The following GRM5 variants were observed in gnomAD, a reference collection of about 807,000 sequenced individuals.
The protein encoded by GRM5 is glutamate metabotropic receptor 5.
Under a neutral mutation model 83.1 loss-of-function variants are expected in GRM5, and 19 were observed. That is an observed-to-expected ratio of 0.23 (90% confidence interval 0.16 to 0.34). GRM5 has a LOEUF of 0.34. Among genes scored for constraint, GRM5 ranks in the 10% least tolerant of loss-of-function variants. GRM5 has a pLI of 1.00. For synonymous variants in GRM5, 675 were observed against 633.6 expected (o/e 1.07, Z -0.98); for missense variants, 1,160 against 1,588.3 (o/e 0.73, Z 4.58).
intron 8 of GRM5, among the ~76,000 whole-genome samples, chr11:88,541,062 C>T (rs1269038558): frequency 6.6e-6 from 1 of 151,930 alleles, no homozygotes; most frequent in African/African-American, 2.4e-5. Flanking sequence ...ATCACATTGT[C>T]TTAAGATTAT....
chr11:88,899,472 T>C (rs1282776072), intron 2 of GRM5, among the ~76,000 whole-genome samples: 1 of 152,016 alleles, frequency 6.6e-6, no homozygotes, highest in Non-Finnish European at 1.5e-5. Context: ...GACTTACTAA[T>C]TATTTATGAG....
intron 8 of GRM5, among the ~76,000 whole-genome samples, chr11:88,529,215 A>G (rs1941951216): frequency 6.6e-6 from 1 of 151,908 alleles, no homozygotes; most frequent in Non-Finnish European, 1.5e-5. Flanking sequence ...TGTGATAAGG[A>G]GCATATGGGT....
intron 3 of GRM5, among the ~76,000 whole-genome samples, chr11:88,740,820 A>C (rs1249053800): frequency 6.6e-6 from 1 of 152,106 alleles, no homozygotes; most frequent in African/African-American, 2.4e-5. Flanking sequence ...GGAAGCTAGG[A>C]TTAAGCAGAA....
intron 8 of GRM5, among the ~76,000 whole-genome samples, chr11:88,527,370 C>T (rs1284976714): frequency 6.6e-6 from 1 of 152,080 alleles, no homozygotes; most frequent in Admixed American, 6.6e-5. Flanking sequence ...TTCTTTCTCT[C>T]ATGACCACAC....
chr11:88,587,668 ACT>A (rs1339226546), intron 7 of GRM5, among the ~76,000 whole-genome samples: 1 of 151,558 alleles, frequency 6.6e-6, no homozygotes, highest in Admixed American at 6.6e-5. Context: ...AGGTCATAAA[ACT>A]CTCATTTGAC....
chr11:88,714,360 T>A (rs1313952799), intron 3 of GRM5, among the ~76,000 whole-genome samples: 1 of 151,704 alleles, frequency 6.6e-6, no homozygotes, highest in African/African-American at 2.4e-5. Context: ...ATAAAGGTGG[T>A]GGGTAGAGGG....
intron 6 of GRM5, 31 bp downstream of exon 6, chr11:88,597,153 A>C (rs2292102): frequency 1.4e-6 from 2 of 1,442,902 alleles, no homozygotes; most frequent in Non-Finnish European, 1.9e-6. Flanking sequence ...AATTTACAAC[A>C]AAAATGAAAG....
At chr11:88,656,220 T>C (rs1039242546) in intron 3 of GRM5, among the ~76,000 whole-genome samples, 10 of 150,010 alleles carry the variant, frequency 6.7e-5, no homozygotes, top group African/African-American at 2.5e-4. Flanking sequence ...TTGCTAAAAG[T>C]CTACCACATT....
intron 2 of GRM5, among the ~76,000 whole-genome samples, chr11:89,015,885 G>A (rs1214971030): frequency 3.3e-5 from 5 of 152,104 alleles, no homozygotes; most frequent in Non-Finnish European, 7.3e-5. Flanking sequence ...GAGTTAGGGG[G>A]CATGTCATTT....
At chr11:88,530,594 A>G (rs1411145685) in intron 8 of GRM5, among the ~76,000 whole-genome samples, 2 of 152,052 alleles carry the variant, frequency 1.3e-5, no homozygotes, top group Non-Finnish European at 2.9e-5. Context: ...GTAATTTTCC[A>G]TTATTATTTG....
At position 88,585,798 on chromosome 11, in the gene GRM5, T is replaced by G. The variant is rs117675079; in HGVS notation, c.1690+4803A>C. ...ATCTCCATGAGGGCAGGGATCCTCT[T>G]TATCCTATTTACTGCTAGCATAGGT... On this transcript the variant is annotated intron_variant, in intron 7 of 9. Transcript: ENST00000305447. Among the ~76,000 whole-genome samples the G allele has an allele frequency of 7.0e-3, 1,068 of 152,322 alleles. 4 individuals are homozygous for G. The highest frequency in any genetic ancestry group is 0.013 in the Non-Finnish European group (876 of 68,034).
At chr11:88,639,892 G>T (rs1222754281) in intron 4 of GRM5, among the ~76,000 whole-genome samples, 1 of 151,990 alleles carries the variant, frequency 6.6e-6, no homozygotes, top group Non-Finnish European at 1.5e-5. Flanking sequence ...CTTTCTTCTG[G>T]GATCTCACTG....
chr11:88,550,630 T>C (rs960210198), intron 8 of GRM5, among the ~76,000 whole-genome samples: 1 of 152,058 alleles, frequency 6.6e-6, no homozygotes, highest in East Asian at 1.9e-4. Flanking sequence ...TGGCTTTATA[T>C]CTTCTGAAAG....
chr11:88,868,831 A>G (rs746393390), intron 2 of GRM5, among the ~76,000 whole-genome samples: 1 of 151,796 alleles, frequency 6.6e-6, no homozygotes, highest in Non-Finnish European at 1.5e-5. Context: ...TGGAACAGAT[A>G]TAACCCCTGT....
intron 2 of GRM5, among the ~76,000 whole-genome samples, chr11:88,931,658 ATTG>A (rs1163213105): frequency 6.6e-6 from 1 of 152,070 alleles, no homozygotes; most frequent in African/African-American, 2.4e-5. Flanking sequence ...TACAGTTGTT[ATTG>A]TTGTTGTTTT....
chr11:88,763,004 A>T (rs929715380), intron 3 of GRM5, among the ~76,000 whole-genome samples: 1 of 151,940 alleles, frequency 6.6e-6, no homozygotes, highest in African/African-American at 2.4e-5. Flanking sequence ...AGAATAACAG[A>T]CGTGGGAGAC....
intron 2 of GRM5, among the ~76,000 whole-genome samples, chr11:88,875,514 C>T (rs1349932986): frequency 2.0e-5 from 3 of 151,926 alleles, no homozygotes; most frequent in Non-Finnish European, 4.4e-5. Flanking sequence ...TATTCTGACC[C>T]ACTCCCATGA....
intron 3 of GRM5, among the ~76,000 whole-genome samples, chr11:88,718,377 T>A (rs1312242170): frequency 6.6e-6 from 1 of 151,864 alleles, no homozygotes; most frequent in Non-Finnish European, 1.5e-5. Flanking sequence ...CACCTGTTCC[T>A]CCCTCTATTT....
intron 2 of GRM5, among the ~76,000 whole-genome samples, chr11:88,963,966 A>G (rs1485728253): frequency 6.6e-6 from 1 of 152,184 alleles, no homozygotes; most frequent in Non-Finnish European, 1.5e-5. Context: ...GTTTTAGTAA[A>G]GGCCCACAAG....
Sources: gnomAD v4.1 joint callset for allele counts (sites outside exome capture counted in the v4.1 genomes callset) on GRCh38, gnomAD v4.1.1 for gene constraint, MANE v1.5 for transcripts, NCBI Gene and HGNC (gene_info 2026-07-23, HGNC 2026-07-21) for gene names.